The following BMPR1A variants were observed in gnomAD, a reference collection of about 807,000 sequenced individuals.
BMPR1A encodes bone morphogenetic protein receptor type-1A.
BMPR1A carries 7 observed loss-of-function variants against 66.0 expected under a neutral mutation model. That is an observed-to-expected ratio of 0.11 (90% CI 0.06 to 0.20). The LOEUF (loss-of-function observed/expected upper bound fraction) is 0.20. Among genes scored for constraint, BMPR1A ranks in the 10% least tolerant of loss-of-function variants. The probability of loss-of-function intolerance (pLI) is 1.00; values close to 1 mark genes in which losing one functional copy is unlikely to be tolerated. For missense variants in BMPR1A, 408 were observed against 669.1 expected (o/e 0.61, Z 4.31); for synonymous variants, 200 against 229.7 (o/e 0.87, Z 1.17).
chr10:86,806,719 A>AT (rs964569239), intron 1 of BMPR1A, among the ~76,000 whole-genome samples: 8 of 148,646 alleles, frequency 5.4e-5, no homozygotes, highest in South Asian at 2.1e-4. Context: ...ACCTGACGAA[A>AT]TTTTTTTTTT....
At chr10:86,906,962 A>G (rs1423566343) in intron 7 of BMPR1A, among the ~76,000 whole-genome samples, 4 of 150,658 alleles carry the variant, frequency 2.7e-5, no homozygotes, top group Admixed American at 1.3e-4. Context: ...TGTCCATCTG[A>G]GCTGTGTATT....
chr10:86,829,428 C>T (rs1384397078), intron 1 of BMPR1A, among the ~76,000 whole-genome samples: 2 of 152,046 alleles, frequency 1.3e-5, no homozygotes, highest in African/African-American at 4.8e-5. Flanking sequence ...TTAATGGTAA[C>T]TTCTTACTAC....
At chr10:86,884,394 ATTTTTTTTTTTTTTTTTTTTTTT>A (rs759424209) in intron 3 of BMPR1A, among the ~76,000 whole-genome samples, 3 of 49,328 alleles carry the variant, frequency 6.1e-5, no homozygotes, top group African/African-American at 1.1e-4. Context: ...CAAACACATG[ATTTTTTTTTTTTTTTTTTTTTTT>A]TTTTTTTTTT....
At chr10:86,910,269 C>T (rs1843459296) in intron 7 of BMPR1A, among the ~76,000 whole-genome samples, 1 of 152,074 alleles carries the variant, frequency 6.6e-6, no homozygotes. Flanking sequence ...ACCCGGGAGG[C>T]AAAGCTTGCA....
At chr10:86,795,581 A>G (rs774462360) in intron 1 of BMPR1A, among the ~76,000 whole-genome samples, 1 of 152,144 alleles carries the variant, frequency 6.6e-6, no homozygotes, top group African/African-American at 2.4e-5. Context: ...ACCACTGCAC[A>G]CGTTCAGAGA....
rs878854674 is a variant in BMPR1A at position 86,917,211 on chromosome 10, C to T, written c.753C>T (p.Gly251=). Residue 251 remains glycine, a synonymous_variant, in exon 9 of 13, where the codon GGC becomes GGT. Coordinates refer to ENST00000372037, the MANE Select transcript of BMPR1A (RefSeq NM_004329.3). ...GCCGATATGGAGAAGTATGGATGGG[C>T]AAATGGCGTGGCGAAAAAGTGGCGG... The part of the protein sequence containing the change: ...GKGRYGEVWM[G]KWRGEKVAVK... 1.2e-6 allele frequency: 2 copies of T among 1,613,870 alleles called. No individual in the cohort carries two copies. The highest frequency in any genetic ancestry group is 1.7e-6 in the Non-Finnish European group (2 of 1,179,918).
At chr10:86,931,242 CA>C (rs1163664422), downstream of BMPR1A, 45 of 50,210 alleles carry the variant, frequency 9.0e-4, 1 homozygote, top group Non-Finnish European at 9.6e-4. Context: ...CTCCGTCTCT[CA>C]AAAAAAAAAA....
intron 2 of BMPR1A, chr10:86,856,267 A>G: frequency 3.9e-6 from 2 of 519,370 alleles, no homozygotes; most frequent in South Asian, 2.8e-5. Context: ...GTTTCAAAGT[A>G]CTTGTCTGTT....
intron 5 of BMPR1A, among the ~76,000 whole-genome samples, chr10:86,897,656 G>A (rs1165511120): frequency 6.6e-6 from 1 of 152,166 alleles, no homozygotes; most frequent in African/African-American, 2.4e-5. Context: ...ACCCAGGCTG[G>A]AGTGCAGTGG....
intron 7 of BMPR1A, among the ~76,000 whole-genome samples, chr10:86,906,750 A>AAAAAAAC (rs1843397680): frequency 2.9e-5 from 1 of 34,802 alleles, no homozygotes; most frequent in Admixed American, 2.2e-4. Flanking sequence ...AAAAAAAAAA[A>AAAAAAAC]AAAAAAAAAA....
chr10:86,774,357 C>T (rs1841312345), intron 1 of BMPR1A, among the ~76,000 whole-genome samples: 1 of 151,370 alleles, frequency 6.6e-6, no homozygotes, highest in Non-Finnish European at 1.5e-5. Flanking sequence ...TCCTTTTTGT[C>T]AATATTCAAG....
chr10:86,823,298 AGC>A (rs1284289101), intron 1 of BMPR1A, among the ~76,000 whole-genome samples: 2 of 152,368 alleles, frequency 1.3e-5, no homozygotes, highest in Admixed American at 1.3e-4. Context: ...CAATAACAGT[AGC>A]TTACACTTAG....
In BMPR1A at chr10:86,923,504, G is replaced by A. The variant is rs1329735599; in HGVS notation, c.1471G>A (p.Glu491Lys). Reference sequence around the variant, plus strand: ...TGTGTCTAATCGGTGGAACAGTGATGAAGTGAGTGGAACTCAGTCCCCTGA... The same window carrying A: ...TGTGTCTAATCGGTGGAACAGTGATAAAGTGAGTGGAACTCAGTCCCCTGA... ...PIVSNRWNSD[E>K]CLRAVLKLMS... The change falls in exon 12 of 13, where the codon GAA becomes AAA. Residue 491 changes from glutamate to lysine, a missense_variant and splice_region_variant. By Grantham distance (56) the Glu-to-Lys change is moderately conservative. Coordinates refer to ENST00000372037, the MANE Select transcript of BMPR1A (RefSeq NM_004329.3). The A allele has an allele frequency of 6.2e-7, 1 of 1,614,224 alleles. No homozygotes were observed. The highest frequency in any genetic ancestry group is 1.7e-5 in the Admixed American group (1 of 60,020).
intron 1 of BMPR1A, among the ~76,000 whole-genome samples, chr10:86,838,132 A>G (rs909358498): frequency 6.6e-6 from 1 of 152,122 alleles, no homozygotes; most frequent in African/African-American, 2.4e-5. Context: ...TACCTTTAGA[A>G]ATTTTTTTAT....
intron 1 of BMPR1A, among the ~76,000 whole-genome samples, chr10:86,821,354 A>T (rs1280684902): frequency 2.0e-5 from 3 of 152,252 alleles, no homozygotes; most frequent in Non-Finnish European, 4.4e-5. Context: ...CTTAATAAAC[A>T]TCAGCTGTTA....
chr10:86,852,219 TC>T (rs1353946885), intron 2 of BMPR1A, among the ~76,000 whole-genome samples: 3 of 151,942 alleles, frequency 2.0e-5, no homozygotes, highest in Non-Finnish European at 4.4e-5. Flanking sequence ...TCAAATAAAA[TC>T]AACCATGTTT....
chr10:86,775,069 A>C (rs1434282750), intron 1 of BMPR1A, among the ~76,000 whole-genome samples: 2 of 152,198 alleles, frequency 1.3e-5, no homozygotes. Context: ...GCTGAAGCGA[A>C]AAAGTTGTAA....
chr10:86,890,306 C>G, intron 4 of BMPR1A, 82 bp downstream of exon 4: 1 of 1,560,702 alleles, frequency 6.4e-7, no homozygotes, highest in Non-Finnish European at 8.8e-7. Context: ...TTAAACTTGT[C>G]TGCGGTTTTT....
chr10:86,832,313 A>G (rs1008965200), intron 1 of BMPR1A, among the ~76,000 whole-genome samples: 8 of 152,104 alleles, frequency 5.3e-5, no homozygotes, highest in Non-Finnish European at 1.0e-4. Context: ...TAAAAATACA[A>G]AAGTTAGCTG....
Sources: allele counts gnomAD v4.1 joint callset (sites outside exome capture counted in the v4.1 genomes callset), GRCh38; gene constraint gnomAD v4.1.1; transcripts MANE v1.5; gene names NCBI Gene and HGNC (gene_info 2026-07-23, HGNC 2026-07-21).